The following COL13A1 variants were observed in gnomAD, a reference collection of about 807,000 sequenced individuals.
COL13A1 encodes the protein collagen alpha-1(XIII) chain.
Under a neutral mutation model 130.9 loss-of-function variants are expected in COL13A1, and 89 were observed. The ratio of observed to expected loss-of-function variants is 0.68; its 90% CI spans 0.57 to 0.81. COL13A1 has a LOEUF of 0.81. Ranked by LOEUF, COL13A1 falls within the 30% of genes least tolerant of loss-of-function variation. The probability of loss-of-function intolerance (pLI) is 0.00; values close to 1 mark genes in which losing one functional copy is unlikely to be tolerated. For synonymous variants in COL13A1, 402 were observed against 341.6 expected (o/e 1.18, Z -1.95); for missense variants, 879 against 934.6 (o/e 0.94, Z 0.78).
intron 2 of COL13A1, among the ~76,000 whole-genome samples, chr10:69,853,731 A>T (rs1435356276): frequency 6.6e-6 from 1 of 152,204 alleles, no homozygotes; most frequent in Non-Finnish European, 1.5e-5. Context: ...AGCCATGTTA[A>T]AGATGTCGTT....
chr10:69,905,719 G>A, intron 16 of COL13A1, 68 bp from the exon 17 acceptor site: 5 of 1,555,400 alleles, frequency 3.2e-6, no homozygotes, highest in Admixed American at 1.8e-5. Context: ...GTATTGTGTG[G>A]GGAACAGCAC....
chr10:69,815,034 C>T (rs1314950965), intron 1 of COL13A1, among the ~76,000 whole-genome samples: 1 of 152,200 alleles, frequency 6.6e-6, no homozygotes, highest in Non-Finnish European at 1.5e-5. Context: ...CTTGCCTCTG[C>T]GTTATCTCAT....
At chr10:69,896,277 T>C (rs2395235) in intron 13 of COL13A1, among the ~76,000 whole-genome samples, 13,003 of 151,954 alleles carry the variant, frequency 0.086, 623 homozygotes, top group Middle Eastern at 0.14. Context: ...AGACTGCTGT[T>C]GTCCTGTTAG....
chr10:69,875,158 C>G lies in COL13A1; in HGVS notation c.430C>G (p.Arg144Gly). The G allele has an allele frequency of 2.5e-6, 4 of 1,613,980 alleles. No individual in the cohort carries two copies. Among genetic ancestry groups the G allele is most frequent in the Non-Finnish European group, 3.4e-6 (4 of 1,179,878 alleles). Reference sequence around the variant, plus strand: ...CAAAGGTGCCATTGGGATGCCTGGACGTGTGGTGAGTTGGCCCGTTTGTAC... The same window carrying G: ...CAAAGGTGCCATTGGGATGCCTGGAGGTGTGGTGAGTTGGCCCGTTTGTAC... ...GDKGAIGMPG[R>G]VGVKGQPGEK... The change falls in exon 5 of 41, where the codon CGT (arginine) becomes GGT (glycine). Residue 144 changes from arginine to glycine, a missense_variant. Arg to Gly is a moderately radical substitution (Grantham distance 125). This residue lies in a region of COL13A1 where 715 missense variants were observed against 721.0 expected (regional missense o/e 0.99). Coordinates refer to ENST00000645393, the MANE Select transcript of COL13A1 (RefSeq NM_001368882.1).
chr10:69,817,642 AG>A (rs1187300283), intron 1 of COL13A1, among the ~76,000 whole-genome samples: 2 of 152,042 alleles, frequency 1.3e-5, no homozygotes, highest in African/African-American at 4.8e-5. Context: ...GGATCTAGCC[AG>A]GCTCGTGGCT....
intron 1 of COL13A1, among the ~76,000 whole-genome samples, chr10:69,814,713 C>G (rs1843993938): frequency 6.6e-6 from 1 of 152,190 alleles, no homozygotes; most frequent in Admixed American, 6.5e-5. Flanking sequence ...AAGGCTCTGG[C>G]ACTCCCAAGT....
intron 5 of COL13A1, among the ~76,000 whole-genome samples, chr10:69,876,929 CCCGTCCTGT>C (rs997928103): frequency 3.9e-5 from 6 of 152,210 alleles, no homozygotes; most frequent in Non-Finnish European, 7.3e-5. Flanking sequence ...TCTGGGCCTT[CCCGTCCTGT>C]CCGTCCTGTC....
At chr10:69,914,768 C>T (rs928340466) in intron 17 of COL13A1, among the ~76,000 whole-genome samples, 3 of 152,240 alleles carry the variant, frequency 2.0e-5, no homozygotes, top group African/African-American at 7.2e-5. Flanking sequence ...GCTGGTACTA[C>T]TGAGAGGGCT....
At chr10:69,878,292 G>A (rs561961844) in intron 6 of COL13A1, among the ~76,000 whole-genome samples, 9 of 152,296 alleles carry the variant, frequency 5.9e-5, no homozygotes, top group Non-Finnish European at 7.4e-5. Flanking sequence ...AGCTGAGGAG[G>A]TCTTCCCTGC....
chr10:69,952,546 T>C (rs972811182), intron 38 of COL13A1, among the ~76,000 whole-genome samples: 19 of 152,204 alleles, frequency 1.2e-4, no homozygotes, highest in African/African-American at 4.3e-4. Flanking sequence ...AGGAAGTTGG[T>C]CCCTAGCCAC....
chr10:69,946,392 C>T (rs1317844010), intron 37 of COL13A1, among the ~76,000 whole-genome samples: 2 of 152,244 alleles, frequency 1.3e-5, no homozygotes, highest in Non-Finnish European at 2.9e-5. Context: ...ATGAGCGGAG[C>T]AGCTGGGCCT....
rs367616830 is a variant in COL13A1 at position 69,823,545 on chromosome 10, G to A, written c.364+1107G>A. Among the ~76,000 whole-genome samples, 5 of 152,178 alleles carry A rather than the reference G, an allele frequency of 3.3e-5. No homozygotes were observed. The South Asian group carries it at 6.2e-4, about 19-fold the overall frequency. ...GGGCTCTCTGGCTGGCCCTCCTCTG[G>A]CCTCAGAAGCCGAGGGACCCAAGTA... is the stretch of plus-strand genomic sequence containing the variant. On this transcript the variant is annotated intron_variant, in intron 2 of 40. Transcript: ENST00000645393.
intron 39 of COL13A1, chr10:69,956,242 A>C (rs3750777): frequency 0.34 from 52,424 of 152,100 alleles, 9,325 homozygotes; most frequent in East Asian, 0.52. Flanking sequence ...AGGGCCCAAG[A>C]AAACTCAGGA....
intron 2 of COL13A1, among the ~76,000 whole-genome samples, chr10:69,846,947 G>A (rs1208186052): frequency 6.6e-6 from 1 of 152,230 alleles, no homozygotes; most frequent in Non-Finnish European, 1.5e-5. Flanking sequence ...GGGAGCCACG[G>A]CCCTCATTAG....
Position 69,842,164 on chromosome 10 carries a change from C to T in COL13A1, c.364+19726C>T, listed in dbSNP as rs113000268. ...GATTGACTCATGGGGGTGGTTTCCC[C>T]CATACTGCTCTCGTGGTAATGAATA... is the stretch of plus-strand genomic sequence containing the variant. On this transcript the variant is annotated intron_variant, in intron 2 of 40. Coordinates refer to ENST00000645393, the MANE Select transcript of COL13A1 (RefSeq NM_001368882.1). 6.3e-3 allele frequency among the ~76,000 whole-genome samples: 959 copies of T among 152,192 alleles called. 8 individuals carry two copies. Among genetic ancestry groups the T allele is most frequent in the African/African-American group, 0.022 (922 of 41,506 alleles).
At chr10:69,839,027 A>G (rs1027151189) in intron 2 of COL13A1, among the ~76,000 whole-genome samples, 3 of 152,260 alleles carry the variant, frequency 2.0e-5, no homozygotes, top group Admixed American at 2.0e-4. Context: ...CCCTGTCTCT[A>G]GAAACCCATC....
intron 27 of COL13A1, among the ~76,000 whole-genome samples, chr10:69,928,533 T>C (rs1230580241): frequency 6.6e-6 from 1 of 152,254 alleles, no homozygotes. Flanking sequence ...TGGTTCTTTT[T>C]CCCTGCTGAG....
chr10:69,823,820 T>C (rs902930963), intron 2 of COL13A1, among the ~76,000 whole-genome samples: 1 of 152,022 alleles, frequency 6.6e-6, no homozygotes, highest in African/African-American at 2.4e-5. Context: ...GCCCAGAAGA[T>C]AGGGCCCGGG....
intron 2 of COL13A1, among the ~76,000 whole-genome samples, chr10:69,863,569 CT>C (rs1160030511): frequency 6.6e-6 from 1 of 152,140 alleles, no homozygotes; most frequent in African/African-American, 2.4e-5. Context: ...TTGATGCCCC[CT>C]GTCCAGGACC....
Sources: gnomAD v4.1 joint callset for allele counts (sites outside exome capture counted in the v4.1 genomes callset) on GRCh38, gnomAD v4.1.1 for gene constraint, gnomAD v4.1.1 regional missense constraint, MANE v1.5 for transcripts, NCBI Gene and HGNC (gene_info 2026-07-23, HGNC 2026-07-21) for gene names.